CDK14: variants seen among roughly 807,000 people sequenced by gnomAD.
CDK14 encodes the protein cyclin-dependent kinase 14.
In CDK14, 34 loss-of-function variants were observed where a neutral mutation model predicts 60.7. That is an observed-to-expected ratio of 0.56 (90% CI 0.43 to 0.75). The LOEUF is 0.75. Ranked by LOEUF, CDK14 falls within the 30% of genes least tolerant of loss-of-function variation. The pLI, the probability that CDK14 is intolerant of heterozygous loss-of-function variation, is 0.00. For synonymous variants in CDK14, 197 were observed against 203.7 expected, an observed-to-expected ratio of 0.97 and a Z score of 0.28; for missense variants, 482 against 564.1, an observed-to-expected ratio of 0.85 and a Z score of 1.47.
At chr7:90,892,984 T>G (rs1792185268) in intron 6 of CDK14, among the ~76,000 whole-genome samples, 1 of 152,142 alleles carries the variant, frequency 6.6e-6, no homozygotes, top group African/African-American at 2.4e-5. Flanking sequence ...TTCACTGTGT[T>G]AGCCAGGATG....
chr7:90,662,087 TG>T (rs1160928460), intron 2 of CDK14, among the ~76,000 whole-genome samples: 2 of 152,208 alleles, frequency 1.3e-5, no homozygotes, highest in African/African-American at 4.8e-5. Flanking sequence ...AAAGCATTTG[TG>T]TGCTTTATTT....
chr7:91,145,581 A>G (rs1254178986), intron 14 of CDK14, among the ~76,000 whole-genome samples: 1 of 152,224 alleles, frequency 6.6e-6, no homozygotes, highest in Non-Finnish European at 1.5e-5. Flanking sequence ...TGCAACGTTC[A>G]CAATCCATGC....
intron 5 of CDK14, among the ~76,000 whole-genome samples, chr7:90,798,574 C>T (rs3808229): frequency 0.072 from 11,008 of 152,106 alleles, 505 homozygotes; most frequent in South Asian, 0.11. Context: ...ATATCAACAG[C>T]GGGAAGATTT....
intron 14 of CDK14, among the ~76,000 whole-genome samples, chr7:91,165,191 A>G (rs1017945733): frequency 6.6e-6 from 1 of 152,192 alleles, no homozygotes; most frequent in Non-Finnish European, 1.5e-5. Context: ...ACTAACATTC[A>G]GTTTCCTTTT....
chr7:90,881,919 C>T (rs1393458730), intron 6 of CDK14, among the ~76,000 whole-genome samples: 2 of 152,130 alleles, frequency 1.3e-5, no homozygotes, highest in East Asian at 3.9e-4. Context: ...GCGTGCCCTG[C>T]AAGAGCTCTT....
At chr7:90,695,391 T>G (rs1801634909) in intron 2 of CDK14, among the ~76,000 whole-genome samples, 1 of 152,208 alleles carries the variant, frequency 6.6e-6, no homozygotes, top group Non-Finnish European at 1.5e-5. Context: ...ATTCTCTACC[T>G]TGGTAACAAT....
chr7:91,009,911 G>T (rs963452553), intron 10 of CDK14, among the ~76,000 whole-genome samples: 3 of 151,976 alleles, frequency 2.0e-5, no homozygotes, highest in Non-Finnish European at 4.4e-5. Flanking sequence ...ATAGTTTTAG[G>T]TTTTATGTTT....
rs145748067 is a variant in CDK14, at chr7:90,812,430, A to G, written c.544+21778A>G. On this transcript the variant is annotated intron_variant, in intron 5 of 14. Coordinates refer to ENST00000380050, the MANE Select transcript of CDK14 (RefSeq NM_001287135.2). ...GTAATTGAACAATGAGAACACGTGG[A>G]CACAGGAAGGGGCATATCACACACT... Among the ~76,000 whole-genome samples the G allele has an allele frequency of 4.9e-3, 747 of 152,192 alleles. 3 individuals are homozygous for G. The highest frequency in any genetic ancestry group is 0.016 in the African/African-American group (672 of 41,514).
At chr7:91,105,718 G>A (rs1799273228) in intron 12 of CDK14, among the ~76,000 whole-genome samples, 1 of 152,154 alleles carries the variant, frequency 6.6e-6, no homozygotes, top group Non-Finnish European at 1.5e-5. Flanking sequence ...AGTAGCAAAA[G>A]CAACAAAATT....
chr7:91,023,893 C>T (rs1418246633), intron 10 of CDK14, among the ~76,000 whole-genome samples: 3 of 152,126 alleles, frequency 2.0e-5, no homozygotes, highest in African/African-American at 7.2e-5. Flanking sequence ...CTGCCTCAGC[C>T]TCCCAAGTAG....
At chr7:90,800,709 G>A (rs1291514202) in intron 5 of CDK14, among the ~76,000 whole-genome samples, 2 of 152,098 alleles carry the variant, frequency 1.3e-5, no homozygotes, top group African/African-American at 2.4e-5. Context: ...TTGGGGTGTT[G>A]TATTGCTTTT....
chr7:90,975,654 AT>A (rs1352583012), intron 9 of CDK14, among the ~76,000 whole-genome samples: 1 of 151,894 alleles, frequency 6.6e-6, no homozygotes, highest in African/African-American at 2.4e-5. Context: ...TCTGGCTGTA[AT>A]TTTGTGTCTT....
intron 5 of CDK14, among the ~76,000 whole-genome samples, chr7:90,841,540 C>T (rs2117146860): frequency 6.6e-6 from 1 of 151,680 alleles, no homozygotes; most frequent in South Asian, 2.1e-4. Flanking sequence ...TGCTTAATTG[C>T]CTCCTTTTTT....
intron 9 of CDK14, among the ~76,000 whole-genome samples, chr7:90,977,405 G>C (rs1421960037): frequency 6.6e-6 from 1 of 152,080 alleles, no homozygotes; most frequent in Non-Finnish European, 1.5e-5. Flanking sequence ...AATGCGGAAG[G>C]AATGTAGCTA....
At chr7:91,167,471 A>T (rs1448547060) in intron 14 of CDK14, among the ~76,000 whole-genome samples, 1 of 152,240 alleles carries the variant, frequency 6.6e-6, no homozygotes, top group Non-Finnish European at 1.5e-5. Flanking sequence ...TGGACATGGC[A>T]GCCATTGCTA....
At chr7:90,751,023 A>G (rs1209440564) in intron 4 of CDK14, among the ~76,000 whole-genome samples, 3 of 152,236 alleles carry the variant, frequency 2.0e-5, no homozygotes, top group Non-Finnish European at 4.4e-5. Context: ...TTTGAGAAAT[A>G]TGGGATAATG....
At chr7:90,838,504 T>C (rs1358246829) in intron 5 of CDK14, among the ~76,000 whole-genome samples, 1 of 152,174 alleles carries the variant, frequency 6.6e-6, no homozygotes, top group Non-Finnish European at 1.5e-5. Context: ...GCCATATTTT[T>C]CTTCTTGCAG....
chr7:90,720,969 G>T (rs981090631), intron 2 of CDK14, among the ~76,000 whole-genome samples: 15 of 151,808 alleles, frequency 9.9e-5, no homozygotes, highest in African/African-American at 3.6e-4. Flanking sequence ...TCTTTTTAAG[G>T]GTTAAATTTC....
rs370027279 is a variant in CDK14 at position 91,134,550 on chromosome 7, A to C, written c.*28+16342A>C. Among the ~76,000 whole-genome samples, 102 of 152,298 alleles carry C rather than the reference A, an allele frequency of 6.7e-4. 1 individual carries two copies. The highest frequency in any genetic ancestry group is 2.3e-3 in the African/African-American group (95 of 41,558). On this transcript the variant is annotated intron_variant, in intron 14 of 14. Transcript: ENST00000380050. ...GTACTCTTTGTAGTGCAGAGTGCAA[A>C]TAAATTTTGAGAAGAAAATTTCTAT... is the stretch of plus-strand genomic sequence containing the variant.
Sources: allele counts gnomAD v4.1 joint callset (sites outside exome capture counted in the v4.1 genomes callset), GRCh38; gene constraint gnomAD v4.1.1; transcripts MANE v1.5; gene names NCBI Gene and HGNC (gene_info 2026-07-23, HGNC 2026-07-21).